ULK4: variants seen among roughly 807,000 people sequenced by gnomAD.
The protein encoded by ULK4 is unc-51 like kinase 4.
A neutral mutation model predicts 160.6 loss-of-function variants in ULK4; 133 were observed. The ratio of observed to expected loss-of-function variants is 0.83; its 90% CI spans 0.72 to 0.96. The LOEUF is 0.96. Ranked by LOEUF, ULK4 falls within the 40% of genes least tolerant of loss-of-function variation. The probability of loss-of-function intolerance (pLI) is 0.00; values close to 1 mark genes in which losing one functional copy is unlikely to be tolerated. For missense variants in ULK4, 1,580 were observed against 1,499.5 expected (o/e 1.05, Z -0.89); for synonymous variants, 534 against 539.8 (o/e 0.99, Z 0.15).
At chr3:41,658,201 T>C (rs911233779) in intron 30 of ULK4, among the ~76,000 whole-genome samples, 16 of 152,306 alleles carry the variant, frequency 1.1e-4, no homozygotes, top group Admixed American at 5.9e-4. Flanking sequence ...ACAACTTAGA[T>C]TGGGGAAAAT....
intron 32 of ULK4, among the ~76,000 whole-genome samples, chr3:41,563,671 G>T (rs1031309863): frequency 5.3e-5 from 8 of 152,066 alleles, no homozygotes; most frequent in Non-Finnish European, 1.2e-4. Context: ...GCTTGTGCAT[G>T]CGTCACGAAG....
intron 35 of ULK4, among the ~76,000 whole-genome samples, chr3:41,291,116 C>T (rs2079552758): frequency 6.6e-6 from 1 of 152,018 alleles, no homozygotes; most frequent in Non-Finnish European, 1.5e-5. Context: ...TGAAAAGTTG[C>T]AGAAGCTTCT....
intron 12 of ULK4, among the ~76,000 whole-genome samples, chr3:41,901,168 G>GTTT (rs1698337236): frequency 8.6e-6 from 1 of 116,882 alleles, no homozygotes; most frequent in Admixed American, 1.1e-4. Context: ...TAACAGCATG[G>GTTT]CTTCTTTTTT....
At chr3:41,502,964 G>A (rs1012867647) in intron 32 of ULK4, among the ~76,000 whole-genome samples, 1 of 151,954 alleles carries the variant, frequency 6.6e-6, no homozygotes, top group Non-Finnish European at 1.5e-5. Flanking sequence ...TCCATTAATT[G>A]CTGTAAAAAA....
chr3:41,615,858 A>C (rs1000487979), intron 30 of ULK4, 141 bp from the exon 31 acceptor site: 1 of 779,566 alleles, frequency 1.3e-6, no homozygotes, highest in African/African-American at 1.8e-5. Flanking sequence ...CATTCTTTTT[A>C]AGACACTGAA....
intron 17 of ULK4, among the ~76,000 whole-genome samples, chr3:41,877,572 C>A (rs1439441171): frequency 6.6e-6 from 1 of 152,074 alleles, no homozygotes; most frequent in Non-Finnish European, 1.5e-5. Context: ...AGTGATCCAC[C>A]CACCTCAGCT....
chr3:41,438,818 A>C (rs980066337), intron 34 of ULK4, among the ~76,000 whole-genome samples: 3 of 152,094 alleles, frequency 2.0e-5, no homozygotes, highest in Non-Finnish European at 4.4e-5. Context: ...CAACAGAATG[A>C]GATCCCCGAC....
At chr3:41,780,324 T>G (rs1305874025) in intron 21 of ULK4, among the ~76,000 whole-genome samples, 1 of 151,868 alleles carries the variant, frequency 6.6e-6, no homozygotes, top group African/African-American at 2.4e-5. Context: ...TTAAATAAAG[T>G]GCATGATGGT....
At chr3:41,630,219 G>A (rs2033687801) in intron 30 of ULK4, among the ~76,000 whole-genome samples, 1 of 152,192 alleles carries the variant, frequency 6.6e-6, no homozygotes, top group Non-Finnish European at 1.5e-5. Flanking sequence ...ACCATATCAG[G>A]ATACCACAAA....
Position 41,725,193 on chromosome 3 carries a change from G to A in ULK4, c.2322-7332C>T, listed in dbSNP as rs143054589. Among the ~76,000 whole-genome samples the A allele has an allele frequency of 4.1e-3, 620 of 152,272 alleles. 7 individuals carry two copies. Among genetic ancestry groups the A allele is most frequent in the Middle Eastern group, 0.02 (6 of 294 alleles). On this transcript the variant is annotated intron_variant, in intron 22 of 36. Coordinates refer to ENST00000301831, the MANE Select transcript of ULK4 (RefSeq NM_017886.4). ...TTTCAGTCTACACAAAAGTCATGAA[G>A]ATATTTTCATATGCTATCTACCAGA...
intron 35 of ULK4, among the ~76,000 whole-genome samples, chr3:41,266,611 G>A (rs1330950862): frequency 6.6e-6 from 1 of 152,118 alleles, no homozygotes; most frequent in East Asian, 1.9e-4. Context: ...TACAAGGTTA[G>A]GTCTCTTGGA....
At chr3:41,523,960 T>A (rs1317857653) in intron 32 of ULK4, among the ~76,000 whole-genome samples, 1 of 152,214 alleles carries the variant, frequency 6.6e-6, no homozygotes, top group Non-Finnish European at 1.5e-5. Flanking sequence ...TGAAATGAAG[T>A]ACCAATACAT....
intron 32 of ULK4, among the ~76,000 whole-genome samples, chr3:41,534,202 C>G (rs2086414444): frequency 6.6e-6 from 1 of 152,114 alleles, no homozygotes; most frequent in South Asian, 2.1e-4. Context: ...AATAAAAAAC[C>G]TAATAAGAAA....
intron 35 of ULK4, among the ~76,000 whole-genome samples, chr3:41,266,614 C>T (rs1575373044): frequency 1.3e-5 from 2 of 152,252 alleles, no homozygotes; most frequent in Non-Finnish European, 2.9e-5. Context: ...AAGGTTAGGT[C>T]TCTTGGAAGC....
At chr3:41,653,390 G>C (rs1018675247) in intron 30 of ULK4, among the ~76,000 whole-genome samples, 3 of 152,144 alleles carry the variant, frequency 2.0e-5, no homozygotes, top group Non-Finnish European at 2.9e-5. Context: ...ACTGGCCCTG[G>C]TTCTTCCTCA....
chr3:41,947,147 G>A (rs1477936600), intron 2 of ULK4, among the ~76,000 whole-genome samples: 1 of 152,116 alleles, frequency 6.6e-6, no homozygotes, highest in African/African-American at 2.4e-5. Flanking sequence ...CTAAAACGGT[G>A]AAACCCCGTC....
chr3:41,644,376 T>G (rs543828902), intron 30 of ULK4, among the ~76,000 whole-genome samples: 9,282 of 152,036 alleles, frequency 0.061, 953 homozygotes, highest in African/African-American at 0.21. Flanking sequence ...CATCAATACC[T>G]AATTTATTGA....
At chr3:41,609,524 G>C (rs1041720413) in intron 31 of ULK4, among the ~76,000 whole-genome samples, 1 of 152,096 alleles carries the variant, frequency 6.6e-6, no homozygotes, top group Non-Finnish European at 1.5e-5. Flanking sequence ...AGTCATCTTT[G>C]TATACAACAA....
At chr3:41,331,936 A>T (rs781192575) in intron 35 of ULK4, among the ~76,000 whole-genome samples, 1 of 152,240 alleles carries the variant, frequency 6.6e-6, no homozygotes, top group Non-Finnish European at 1.5e-5. Context: ...TATAACTAAT[A>T]ATTTATCTAG....
Sources: allele counts gnomAD v4.1 joint callset (sites outside exome capture counted in the v4.1 genomes callset), GRCh38; gene constraint gnomAD v4.1.1; transcripts MANE v1.5; gene names NCBI Gene and HGNC (gene_info 2026-07-23, HGNC 2026-07-21).